RADIL: variants seen among roughly 807,000 people sequenced by gnomAD.
The protein encoded by RADIL is Rap associating with DIL domain, also known as ras-associating and dilute domain-containing protein.
A neutral mutation model predicts 97.6 loss-of-function variants in RADIL; 99 were observed. The ratio of observed to expected loss-of-function variants is 1.01; its 90% CI spans 0.86 to 1.20. The LOEUF (loss-of-function observed/expected upper bound fraction) is 1.20, where lower values mean the gene tolerates loss of function less well. Ranked by LOEUF, RADIL falls within the 50% of genes most tolerant of loss-of-function variation. The pLI, the probability that RADIL is intolerant of heterozygous loss-of-function variation, is 0.00. For missense variants in RADIL, 1,765 were observed against 1,498.9 expected (o/e 1.18, Z -2.93); for synonymous variants, 803 against 691.8 (o/e 1.16, Z -2.52).
intron 11 of RADIL, among the ~76,000 whole-genome samples, chr7:4,802,662 TG>T (rs1488634169): frequency 9.0e-6 from 1 of 111,378 alleles, no homozygotes; most frequent in African/African-American, 3.5e-5. Flanking sequence ...GCACTCTGGC[TG>T]GGGGGCCCCC....
chr7:4,861,746 C>G, intron 2 of RADIL: 1 of 1,505,942 alleles, frequency 6.6e-7, no homozygotes, highest in Non-Finnish European at 8.9e-7. Context: ...CGAGGAGACG[C>G]CGTAGCGATT....
At chr7:4,851,482 C>T (rs1196202043) in intron 2 of RADIL, among the ~76,000 whole-genome samples, 1 of 152,150 alleles carries the variant, frequency 6.6e-6, no homozygotes, top group African/African-American at 2.4e-5. Flanking sequence ...CAGCAGAAAC[C>T]TAGATGGCTC....
At chr7:4,845,826 G>A (rs183883668) in intron 2 of RADIL, among the ~76,000 whole-genome samples, 1 of 152,330 alleles carries the variant, frequency 6.6e-6, no homozygotes, top group African/African-American at 2.4e-5. Context: ...AAATGCTTAA[G>A]CCATTTGTTA....
Position 4,814,321 on chromosome 7 carries a change from A to G in RADIL, c.2139+957T>C, listed in dbSNP as rs1043936255. Reference sequence around the variant, plus strand: ...TTTCTACAGTCAATAAAAATGCTTCACTTTTTTTTTCTTTTGAGACAGGGC... The same window carrying G: ...TTTCTACAGTCAATAAAAATGCTTCGCTTTTTTTTTCTTTTGAGACAGGGC... On this transcript the variant is annotated intron_variant, in intron 9 of 14. Transcript: ENST00000399583. The surrounding 1 kb of genome is among the most constrained non-coding windows in gnomAD (Gnocchi z 4.5). Among the ~76,000 whole-genome samples the G allele has an allele frequency of 1.6e-4, 24 of 151,972 alleles. No individual in the cohort carries two copies. Among genetic ancestry groups the G allele is most frequent in the African/African-American group, 5.8e-4 (24 of 41,368 alleles).
rs1784429019 is a variant in RADIL, at chr7:4,878,968, T to C, written c.-64-765A>G. Among the ~76,000 whole-genome samples the C allele has an allele frequency of 6.6e-6, 1 of 152,200 alleles. No homozygotes were observed. The highest frequency in any genetic ancestry group is 1.5e-5 in the Non-Finnish European group (1 of 68,032). ...GGAAAACAGGCGAATCGCAGCCACG[T>C]TGGCAGAATAGACCATCAGACATTC... On this transcript the variant is annotated intron_variant, in intron 1 of 14. Transcript: ENST00000399583. The surrounding 1 kb of genome is among the most constrained non-coding windows in gnomAD (Gnocchi z 4.1).
intron 1 of RADIL, chr7:4,882,307 C>A (rs1484079388): frequency 1.3e-5 from 2 of 152,274 alleles, no homozygotes; most frequent in East Asian, 3.8e-4. Flanking sequence ...CCGGGCGGAG[C>A]ACGCCCTGGG....
At chr7:4,799,836 AG>A (rs1782019441) in intron 13 of RADIL, 67 bp from the exon 14 acceptor site, 1 of 1,438,282 alleles carries the variant, frequency 7.0e-7, no homozygotes, top group Admixed American at 2.8e-5. Flanking sequence ...GGACCACTGC[AG>A]CCCCTCCCTT....
intron 5 of RADIL, among the ~76,000 whole-genome samples, chr7:4,827,386 G>A (rs78737390): frequency 0.32 from 47,517 of 147,324 alleles, 12,396 homozygotes; most frequent in African/African-American, 0.73. Flanking sequence ...AGGGCCGGGT[G>A]CGGTGGCTCA....
intron 10 of RADIL, 166 bp from the exon 11 acceptor site, chr7:4,803,920 C>T (rs997087173): frequency 4.2e-6 from 3 of 716,118 alleles, no homozygotes; most frequent in African/African-American, 3.5e-5. Context: ...ACTGGCCCCA[C>T]CCTAGGACTC....
chr7:4,847,520 C>T (rs992221073), intron 2 of RADIL, among the ~76,000 whole-genome samples: 7 of 152,078 alleles, frequency 4.6e-5, no homozygotes, highest in Admixed American at 3.3e-4. Context: ...AAAAAATACA[C>T]GTCCACGCAA....
intron 2 of RADIL, chr7:4,861,391 T>C: frequency 6.2e-7 from 1 of 1,614,200 alleles, no homozygotes; most frequent in Non-Finnish European, 8.5e-7. Context: ...CTTCCTCCTG[T>C]AGTTTCAGTT....
Position 4,878,235 on chromosome 7 carries a change from A to C in RADIL, c.-64-32T>G. On this transcript the variant is annotated intron_variant, in intron 1 of 14. Transcript: ENST00000399583. The surrounding 1 kb of genome is among the most constrained non-coding windows in gnomAD (Gnocchi z 4.1). ...GAAAAAGTGAGAGAGGTTAGCGCCA[A>C]CCATCGTGACCACCAAGAGCAAATG... The C allele has an allele frequency of 7.7e-7, 1 of 1,294,704 alleles. No homozygotes were observed. The highest frequency in any genetic ancestry group is 1.0e-6 in the Non-Finnish European group (1 of 970,366). 80.2% of individuals were successfully genotyped at this position (1,294,704 alleles called of 1,614,324 possible).
Position 4,822,360 on chromosome 7 carries a change from T to C in RADIL, c.1615+34A>G. The C allele has an allele frequency of 6.3e-7, 1 of 1,586,596 alleles. No individual in the cohort carries two copies. Among genetic ancestry groups the C allele is most frequent in the Non-Finnish European group, 8.6e-7 (1 of 1,167,324 alleles). On this transcript the variant is annotated intron_variant, in intron 6 of 14. Coordinates refer to ENST00000399583, the MANE Select transcript of RADIL (RefSeq NM_018059.5). This position sits in a 1 kb window ranked among gnomAD's most constrained non-coding sequence, Gnocchi z 5.3. ...TGCCACACTCCCCTGCCTGGGGTGCTGGCGGGGGGAATGGAGGGCAGCGCC... is the reference window on the plus strand; with the variant it reads ...TGCCACACTCCCCTGCCTGGGGTGCCGGCGGGGGGAATGGAGGGCAGCGCC...
intron 9 of RADIL, among the ~76,000 whole-genome samples, chr7:4,809,904 G>A (rs1471818709): frequency 6.6e-6 from 1 of 152,160 alleles, no homozygotes; most frequent in Non-Finnish European, 1.5e-5. Context: ...CCAGGCTGGA[G>A]TGTGGTGGTG....
At chr7:4,846,702 T>C (rs574209579) in intron 2 of RADIL, among the ~76,000 whole-genome samples, 5 of 151,838 alleles carry the variant, frequency 3.3e-5, no homozygotes, top group Non-Finnish European at 7.4e-5. Context: ...TGTGCCACCA[T>C]GCCTGGCTAA....
In RADIL at chr7:4,801,880, CT is replaced by C; in HGVS notation, c.2614del (p.Arg872GlyfsTer119). The C allele has an allele frequency of 6.9e-6, 11 of 1,589,514 alleles. No individual in the cohort carries two copies. Among genetic ancestry groups the C allele is most frequent in the Non-Finnish European group, 9.4e-6 (11 of 1,168,532 alleles). ...EVAPERTLPLRGAPWAQAPPG... is the reference protein window; with the variant it reads ...EVAPERTLPLXGAPWAQAPPG... ...GGGGGCCTGTGCCCAGGGAGCCCCC[CT>C]CAAGGGAAGAGTACGCTCCGGGGCC... On this transcript the variant is annotated frameshift_variant, in exon 12 of 15. Transcript: ENST00000399583. LOFTEE classifies it high-confidence loss of function.
intron 9 of RADIL, among the ~76,000 whole-genome samples, chr7:4,812,071 G>T (rs1277077409): frequency 6.6e-6 from 1 of 151,610 alleles, no homozygotes; most frequent in African/African-American, 2.4e-5. Context: ...GTAGAGATAG[G>T]GGTTCCACCA....
At chr7:4,861,834 G>GCACGTCCCCCACACCGCGACCTT in intron 2 of RADIL, 1 of 1,268,418 alleles carries the variant, frequency 7.9e-7, no homozygotes. Context: ...CCCCGCCAGG[G>GCACGTCCCCCACACCGCGACCTT]CACGTCCCCC....
Position 4,872,117 on chromosome 7 carries a change from A to G in RADIL, c.535+5488T>C, listed in dbSNP as rs10261048. On this transcript the variant is annotated intron_variant, in intron 2 of 14. Coordinates refer to ENST00000399583, the MANE Select transcript of RADIL (RefSeq NM_018059.5). This position sits in a 1 kb window ranked among gnomAD's most constrained non-coding sequence, Gnocchi z 5.8. ...TGGATCAGGCCTGAGGGCCTGGGGC[A>G]GGTACTCAGCCATATGGTCCCAGTG... 0.48 allele frequency among the ~76,000 whole-genome samples: 72,337 copies of G among 152,000 alleles called. 20,111 individuals carry two copies. The highest frequency in any genetic ancestry group is 0.77 in the African/African-American group (32,118 of 41,494).
Sources: gnomAD v4.1 joint callset for allele counts (sites outside exome capture counted in the v4.1 genomes callset) on GRCh38, gnomAD v4.1.1 for gene constraint, Gnocchi (gnomAD v3.1) non-coding constraint, MANE v1.5 for transcripts, NCBI Gene and HGNC (gene_info 2026-07-23, HGNC 2026-07-21) for gene names.